The following NKAIN3 variants were observed in gnomAD, a reference collection of about 807,000 sequenced individuals.
NKAIN3 encodes sodium/potassium transporting ATPase interacting 3.
NKAIN3 carries 25 observed loss-of-function variants against 30.2 expected under a neutral mutation model. That is an observed-to-expected ratio of 0.83 (90% CI 0.60 to 1.16). NKAIN3 has a LOEUF of 1.16. Ranked by LOEUF, NKAIN3 falls within the 50% of genes most tolerant of loss-of-function variation. The pLI is 0.00. For missense variants in NKAIN3, 225 were observed against 254.1 expected (o/e 0.89, Z 0.78); for synonymous variants, 91 against 89.6 (o/e 1.02, Z -0.09).
chr8:62,954,052 C>G, intron 6 of NKAIN3, 80 bp downstream of exon 6: 2 of 267,614 alleles, frequency 7.5e-6, no homozygotes, highest in Non-Finnish European at 1.2e-5. Context: ...ATAATTTGAA[C>G]CTACTACTAC....
chr8:62,894,160 G>C (rs550745122), intron 4 of NKAIN3, among the ~76,000 whole-genome samples: 10 of 152,196 alleles, frequency 6.6e-5, no homozygotes, highest in African/African-American at 2.4e-4. Flanking sequence ...CTGGAGTTTT[G>C]ATTATTTGTA....
At chr8:62,996,878 C>T (rs935279825) in intron 5 of NKAIN3, among the ~76,000 whole-genome samples, 6 of 152,184 alleles carry the variant, frequency 3.9e-5, no homozygotes, top group Non-Finnish European at 7.3e-5. Flanking sequence ...GGCAGCTCCT[C>T]CTCTGTAGCT....
chr8:62,746,330 G>T (rs1445756140), intron 3 of NKAIN3, among the ~76,000 whole-genome samples: 2 of 152,160 alleles, frequency 1.3e-5, no homozygotes, highest in Admixed American at 6.5e-5. Flanking sequence ...GATAGTCCAT[G>T]ATCATCTCCC....
chr8:62,806,264 G>A (rs1035604556), intron 4 of NKAIN3, among the ~76,000 whole-genome samples: 2 of 152,168 alleles, frequency 1.3e-5, no homozygotes, highest in East Asian at 3.8e-4. Context: ...CAGGGATCTA[G>A]AACTAGAAAT....
chr8:62,626,860 T>C (rs1304687981), intron 3 of NKAIN3, among the ~76,000 whole-genome samples: 1 of 152,130 alleles, frequency 6.6e-6, no homozygotes, highest in Non-Finnish European at 1.5e-5. Flanking sequence ...TCAACCACTG[T>C]TGCCTCTATG....
At chr8:62,690,614 G>A (rs1214819234) in intron 3 of NKAIN3, among the ~76,000 whole-genome samples, 6 of 152,146 alleles carry the variant, frequency 3.9e-5, no homozygotes, top group African/African-American at 1.4e-4. Context: ...AAGAGTAGAC[G>A]GTTGTCCAGA....
chr8:62,651,678 GA>G (rs1420808860), intron 3 of NKAIN3, among the ~76,000 whole-genome samples: 1 of 152,104 alleles, frequency 6.6e-6, no homozygotes, highest in East Asian at 1.9e-4. Flanking sequence ...ATCTCATATT[GA>G]AATGTGATTC....
intron 3 of NKAIN3, among the ~76,000 whole-genome samples, chr8:62,650,452 C>T (rs577924916): frequency 2.0e-5 from 3 of 152,208 alleles, no homozygotes; most frequent in African/African-American, 7.2e-5. Context: ...CTAAATACTC[C>T]TAGAGAATTT....
intron 3 of NKAIN3, among the ~76,000 whole-genome samples, chr8:62,719,479 C>A (rs1474215470): frequency 1.3e-5 from 2 of 152,184 alleles, no homozygotes; most frequent in African/African-American, 2.4e-5. Flanking sequence ...TGGTTATATT[C>A]TCTTGGGAAC....
chr8:62,508,732 T>C (rs1000675338), intron 1 of NKAIN3, among the ~76,000 whole-genome samples: 1 of 152,218 alleles, frequency 6.6e-6, no homozygotes, highest in African/African-American at 2.4e-5. Flanking sequence ...TTATTATGGA[T>C]TTTCTTTCAG....
chr8:62,739,781 C>T (rs947705939), intron 3 of NKAIN3, among the ~76,000 whole-genome samples: 1 of 152,082 alleles, frequency 6.6e-6, no homozygotes, highest in Non-Finnish European at 1.5e-5. Flanking sequence ...AAAATTCTAG[C>T]AATACCTAGT....
intron 3 of NKAIN3, among the ~76,000 whole-genome samples, chr8:62,618,140 C>T (rs1811517844): frequency 6.6e-6 from 1 of 152,200 alleles, no homozygotes; most frequent in Non-Finnish European, 1.5e-5. Context: ...AGGGACCTTG[C>T]AGATCGTCAT....
chr8:62,564,993 A>G (rs1809705732), intron 1 of NKAIN3, among the ~76,000 whole-genome samples: 3 of 152,176 alleles, frequency 2.0e-5, no homozygotes, highest in Non-Finnish European at 4.4e-5. Context: ...ATTTATATGC[A>G]TAGCTACACA....
chr8:62,776,228 A>G (rs959351469), intron 4 of NKAIN3, among the ~76,000 whole-genome samples: 2 of 152,032 alleles, frequency 1.3e-5, no homozygotes, highest in East Asian at 1.9e-4. Flanking sequence ...TTCTATATCA[A>G]TTCAGCCACC....
chr8:62,928,099 C>A (rs1822504643), intron 5 of NKAIN3, among the ~76,000 whole-genome samples: 1 of 151,914 alleles, frequency 6.6e-6, no homozygotes, highest in Non-Finnish European at 1.5e-5. Context: ...TTTCTGGGAA[C>A]AATATTTGAA....
chr8:62,385,021 TTTTGGGACCCTCCA>T (rs1188892235), intron 1 of NKAIN3, among the ~76,000 whole-genome samples: 1 of 152,156 alleles, frequency 6.6e-6, no homozygotes, highest in Admixed American at 6.6e-5. Context: ...AATTTATTCA[TTTTGGGACCCTCCA>T]TTTGTTGAAA....
intron 1 of NKAIN3, among the ~76,000 whole-genome samples, chr8:62,295,456 G>T (rs957116988): frequency 2.0e-4 from 31 of 152,150 alleles, no homozygotes; most frequent in African/African-American, 7.5e-4. Flanking sequence ...TCACATCATG[G>T]TTTGAATCCT....
At chr8:62,412,049 G>C (rs1306562096) in intron 1 of NKAIN3, among the ~76,000 whole-genome samples, 25 of 151,556 alleles carry the variant, frequency 1.6e-4, no homozygotes, top group Admixed American at 1.6e-3. Context: ...AAAATGAGAA[G>C]GAAAAAAATA....
At chr8:62,261,984 G>A (rs1283521055) in intron 1 of NKAIN3, among the ~76,000 whole-genome samples, 4 of 152,114 alleles carry the variant, frequency 2.6e-5, no homozygotes, top group East Asian at 1.9e-4. Flanking sequence ...TAACAAAACT[G>A]TGTGTGTGTG....
Sources: gnomAD v4.1 joint callset for allele counts (sites outside exome capture counted in the v4.1 genomes callset) on GRCh38, gnomAD v4.1.1 for gene constraint, MANE v1.5 for transcripts, NCBI Gene and HGNC (gene_info 2026-07-23, HGNC 2026-07-21) for gene names.